The following ROBO2 variants were observed in gnomAD, a reference collection of about 807,000 sequenced individuals.
ROBO2 encodes the protein roundabout guidance receptor 2, also known as roundabout homolog 2.
Under a neutral mutation model 160.8 loss-of-function variants are expected in ROBO2, and 53 were observed. That is an observed-to-expected ratio of 0.33 (90% CI 0.26 to 0.41). The LOEUF (loss-of-function observed/expected upper bound fraction) is 0.41. Ranked by LOEUF, ROBO2 falls within the 10% of genes least tolerant of loss-of-function variation. ROBO2 has a pLI of 1.00. For missense variants in ROBO2, 1,577 were observed against 1,722.4 expected (o/e 0.92, Z 1.49); for synonymous variants, 664 against 611.7 (o/e 1.09, Z -1.26).
At chr3:76,774,354 T>C (rs542142374) in intron 2 of ROBO2, among the ~76,000 whole-genome samples, 15 of 151,070 alleles carry the variant, frequency 9.9e-5, no homozygotes, top group East Asian at 9.8e-4. Flanking sequence ...TTTAGAATCA[T>C]AGAATATCAG....
At chr3:76,468,744 C>T (rs528226937) in intron 2 of ROBO2, among the ~76,000 whole-genome samples, 1 of 152,078 alleles carries the variant, frequency 6.6e-6, no homozygotes, top group African/African-American at 2.4e-5. Flanking sequence ...CATGTCCTCT[C>T]TCTTCAGGAT....
intron 2 of ROBO2, among the ~76,000 whole-genome samples, chr3:75,945,297 A>T (rs529383302): frequency 1.3e-5 from 2 of 152,266 alleles, no homozygotes; most frequent in South Asian, 4.1e-4. Context: ...TTTTAATTGG[A>T]TAGTCAAGAA....
chr3:77,169,910 G>C (rs2079468640), intron 2 of ROBO2, among the ~76,000 whole-genome samples: 1 of 152,152 alleles, frequency 6.6e-6, no homozygotes, highest in South Asian at 2.1e-4. Flanking sequence ...TCTCTGGGGG[G>C]TGGGATGGCA....
chr3:76,010,106 A>G (rs1405879549), intron 2 of ROBO2, among the ~76,000 whole-genome samples: 2 of 152,240 alleles, frequency 1.3e-5, no homozygotes, highest in Admixed American at 6.5e-5. Flanking sequence ...TTCTCCAAGT[A>G]TGTCTTTAAA....
At chr3:77,103,560 A>C (rs2072352266) in intron 2 of ROBO2, among the ~76,000 whole-genome samples, 1 of 152,186 alleles carries the variant, frequency 6.6e-6, no homozygotes, top group South Asian at 2.1e-4. Flanking sequence ...TGTGATTCAT[A>C]ATTCAAGTAT....
At chr3:76,877,715 G>A (rs1046595380) in intron 2 of ROBO2, among the ~76,000 whole-genome samples, 1 of 152,162 alleles carries the variant, frequency 6.6e-6, no homozygotes, top group African/African-American at 2.4e-5. Context: ...AGACTGGGTG[G>A]CTTAAACAAC....
At chr3:77,627,593 C>G (rs752951139) in intron 23 of ROBO2, among the ~76,000 whole-genome samples, 1 of 152,106 alleles carries the variant, frequency 6.6e-6, no homozygotes, top group South Asian at 2.1e-4. Context: ...CTCTGAGGCA[C>G]GCAGGTGGAA....
At chr3:76,058,781 T>C (rs1207904123) in intron 2 of ROBO2, among the ~76,000 whole-genome samples, 1 of 140,448 alleles carries the variant, frequency 7.1e-6, no homozygotes, top group Non-Finnish European at 1.5e-5. Context: ...GTATATCTCC[T>C]AATGCTATCC....
At chr3:76,919,341 AT>A (rs2076525232) in intron 2 of ROBO2, among the ~76,000 whole-genome samples, 2 of 152,218 alleles carry the variant, frequency 1.3e-5, no homozygotes, top group African/African-American at 2.4e-5. Context: ...TTTATAGGCC[AT>A]GGCAATATTG....
intron 22 of ROBO2, among the ~76,000 whole-genome samples, chr3:77,618,910 G>C (rs542106468): frequency 6.6e-6 from 1 of 152,298 alleles, no homozygotes; most frequent in South Asian, 2.1e-4. Flanking sequence ...GAAGCCAGCT[G>C]CTTCAAGAGC....
intron 2 of ROBO2, among the ~76,000 whole-genome samples, chr3:76,120,662 A>G (rs2070712852): frequency 6.6e-6 from 1 of 152,200 alleles, no homozygotes; most frequent in Non-Finnish European, 1.5e-5. Context: ...TCATATAGAA[A>G]GTACTCCTTA....
chr3:76,577,320 C>T (rs1268772018), intron 2 of ROBO2, among the ~76,000 whole-genome samples: 4 of 151,950 alleles, frequency 2.6e-5, no homozygotes, highest in African/African-American at 9.7e-5. Flanking sequence ...TCTTTATCCT[C>T]CATACCCAGC....
At chr3:76,274,200 A>G (rs565699527) in intron 2 of ROBO2, among the ~76,000 whole-genome samples, 1 of 152,314 alleles carries the variant, frequency 6.6e-6, no homozygotes, top group Non-Finnish European at 1.5e-5. Context: ...AATTTTATTC[A>G]TGATACTACA....
intron 2 of ROBO2, among the ~76,000 whole-genome samples, chr3:76,603,326 CATCTCCAAAAAAAAA>C (rs1453499859): frequency 1.2e-5 from 1 of 81,778 alleles, no homozygotes; most frequent in African/African-American, 6.1e-5. Flanking sequence ...AGCGAGACTC[CATCTCCAAAAAAAAA>C]AAAAAAAAAA....
chr3:77,496,173 T>A (rs186401271), intron 5 of ROBO2, among the ~76,000 whole-genome samples: 1 of 152,352 alleles, frequency 6.6e-6, no homozygotes, highest in East Asian at 1.9e-4. Context: ...CAGCATATTA[T>A]GGTAGTACTT....
At chr3:76,868,284 T>C (rs1402868196) in intron 2 of ROBO2, among the ~76,000 whole-genome samples, 1 of 152,178 alleles carries the variant, frequency 6.6e-6, no homozygotes, top group East Asian at 1.9e-4. Flanking sequence ...GTAATCTGTC[T>C]ACCCAGTGAC....
intron 2 of ROBO2, among the ~76,000 whole-genome samples, chr3:76,358,137 A>C (rs1271163553): frequency 6.6e-6 from 1 of 151,980 alleles, no homozygotes; most frequent in Non-Finnish European, 1.5e-5. Context: ...CTTCCCTAGA[A>C]ATAAACTACG....
chr3:76,267,990 C>T (rs571143253), intron 2 of ROBO2, among the ~76,000 whole-genome samples: 6 of 152,220 alleles, frequency 3.9e-5, no homozygotes, highest in Non-Finnish European at 7.4e-5. Context: ...CATAAAAACT[C>T]GAAATGCATG....
intron 2 of ROBO2, among the ~76,000 whole-genome samples, chr3:76,629,200 G>A (rs978815634): frequency 6.6e-6 from 1 of 152,180 alleles, no homozygotes; most frequent in African/African-American, 2.4e-5. Context: ...TAAGGAGGGT[G>A]AGAGTAAATC....
Sources: allele counts gnomAD v4.1 joint callset (sites outside exome capture counted in the v4.1 genomes callset), GRCh38; gene constraint gnomAD v4.1.1; transcripts MANE v1.5; gene names NCBI Gene and HGNC (gene_info 2026-07-23, HGNC 2026-07-21).